USP13: variants seen among roughly 807,000 people sequenced by gnomAD.
USP13 encodes ubiquitin specific peptidase 13.
A neutral mutation model predicts 107.8 loss-of-function variants in USP13; 68 were observed. The observed-to-expected ratio is 0.63, with a 90% CI of 0.52 to 0.77. The LOEUF is 0.77. USP13 is among the 30% of genes least tolerant of loss of function. The pLI, the probability that USP13 is intolerant of heterozygous loss-of-function variation, is 0.00. For missense variants in USP13, 945 were observed against 1,093.3 expected (o/e 0.86, Z 1.91); for synonymous variants, 377 against 389.5 (o/e 0.97, Z 0.38).
rs141172966 is a variant in USP13 at position 179,766,042 on chromosome 3, C to T, written c.2413+194C>T. On this transcript the variant is annotated intron_variant, in intron 19 of 20. Transcript: ENST00000263966. ...GTTGCCAGGCTGGTGTGCTGTGGCG[C>T]GATCTCGGCTCACTGCAACCTCCGC... 1.1e-3 allele frequency among the ~76,000 whole-genome samples: 169 copies of T among 151,466 alleles called. 2 individuals carry two copies. Among genetic ancestry groups the T allele is most frequent in the African/African-American group, 3.8e-3 (155 of 41,230 alleles).
chr3:179,753,536 A>G (rs939233085), intron 14 of USP13, among the ~76,000 whole-genome samples: 2 of 152,226 alleles, frequency 1.3e-5, no homozygotes, highest in African/African-American at 4.8e-5. Context: ...AATTTGAATC[A>G]TATTTCATTG....
chr3:179,749,570 T>C (rs577533820), intron 13 of USP13, among the ~76,000 whole-genome samples: 1 of 152,278 alleles, frequency 6.6e-6, no homozygotes, highest in African/African-American at 2.4e-5. Context: ...TGAACAGATA[T>C]ATATTGAACA....
At chr3:179,724,101 A>C (rs1252853235) in intron 8 of USP13, among the ~76,000 whole-genome samples, 1 of 151,898 alleles carries the variant, frequency 6.6e-6, no homozygotes, top group South Asian at 2.1e-4. Flanking sequence ...CTGAGGTTGC[A>C]GTAAGCTGTG....
chr3:179,692,075 GTA>G (rs1712135325), intron 3 of USP13, among the ~76,000 whole-genome samples: 1 of 152,122 alleles, frequency 6.6e-6, no homozygotes, highest in South Asian at 2.1e-4. Flanking sequence ...ATGTATGAAT[GTA>G]TATCTGTGTG....
chr3:179,701,173 G>A, intron 4 of USP13, 44 bp downstream of exon 4: 1 of 1,352,922 alleles, frequency 7.4e-7, no homozygotes, highest in South Asian at 1.2e-5. Context: ...GCATGGCTCT[G>A]TGTCAGGTGT....
In USP13 at chr3:179,742,346, C is replaced by A; in HGVS notation, c.1530C>A (p.Asn510Lys). Residue 510 changes from asparagine (N) to lysine (K), a missense_variant, in exon 12 of 21, where the codon AAC becomes AAA. Physicochemically the swap from Asn to Lys is moderately conservative, Grantham distance 94. Transcript: ENST00000263966. The surrounding 1 kb of genome is among the most constrained non-coding windows in gnomAD (Gnocchi z 5.0). ...CTGTGGCCATGGAGGCGGCAACCAACAAGGGTAACAATTCCAAAGCGGGAA... is the reference window on the plus strand; with the variant it reads ...CTGTGGCCATGGAGGCGGCAACCAAAAAGGGTAACAATTCCAAAGCGGGAA... ...QLPVAMEAAT[N>K]KDELIAYELT... 2 of 1,614,178 alleles carry A rather than the reference C, an allele frequency of 1.2e-6. No individual in the cohort carries two copies. The highest frequency in any genetic ancestry group is 1.7e-6 in the Non-Finnish European group (2 of 1,180,016).
Position 179,727,467 on chromosome 3 carries a change from T to G in USP13, c.1089-2722T>G, listed in dbSNP as rs370295863. On this transcript the variant is annotated intron_variant, in intron 8 of 20. Coordinates refer to ENST00000263966, the MANE Select transcript of USP13 (RefSeq NM_003940.3). ...GAGTGGACACAGCACATGTTTCAGA[T>G]AGCACAGGGTTGGGGGTAAGGTCAC... 9.0e-4 allele frequency among the ~76,000 whole-genome samples: 97 copies of G among 108,006 alleles called. 1 individual carries two copies. Among genetic ancestry groups the G allele is most frequent in the East Asian group, 4.0e-3 (14 of 3,470 alleles). The allele number at this position is 108,006 out of a possible 152,430, so 70.9% of individuals were successfully genotyped here.
At chr3:179,762,698 T>C (rs971673355) in intron 17 of USP13, among the ~76,000 whole-genome samples, 8 of 152,224 alleles carry the variant, frequency 5.3e-5, no homozygotes, top group African/African-American at 1.4e-4. Context: ...TTATGAACAA[T>C]GCTGCTATAA....
chr3:179,750,327 T>TATATATATATATATAC (rs1714564703), intron 13 of USP13, among the ~76,000 whole-genome samples: 1 of 46,578 alleles, frequency 2.1e-5, no homozygotes, highest in African/African-American at 1.1e-4. Flanking sequence ...TATATGTGTG[T>TATATATATATATATAC]ATATATATAT....
At chr3:179,687,552 G>A (rs1011350515) in intron 2 of USP13, among the ~76,000 whole-genome samples, 17 of 150,532 alleles carry the variant, frequency 1.1e-4, no homozygotes, top group Non-Finnish European at 2.2e-4. Flanking sequence ...CCAGCTACTC[G>A]GGAGGCTGGC....
chr3:179,696,188 G>T (rs897775104), intron 3 of USP13, among the ~76,000 whole-genome samples: 2 of 152,278 alleles, frequency 1.3e-5, no homozygotes, highest in Non-Finnish European at 2.9e-5. Flanking sequence ...CATCCCATTA[G>T]TGAAGGACTG....
At chr3:179,740,171 G>A (rs546017583) in intron 10 of USP13, 76 bp from the exon 11 acceptor site, 149 of 1,587,108 alleles carry the variant, frequency 9.4e-5, no homozygotes, top group Non-Finnish European at 1.2e-4. Flanking sequence ...TTTATGGTGG[G>A]TTCTGCTCTG....
Position 179,681,929 on chromosome 3 carries a change from A to G in USP13, c.220A>G (p.Arg74Gly). The G allele has an allele frequency of 6.2e-7, 1 of 1,614,068 alleles. No individual in the cohort carries two copies. Among genetic ancestry groups the G allele is most frequent in the Non-Finnish European group, 8.5e-7 (1 of 1,179,984 alleles). ...CATGAATACATTTTTGGCCTTTGGA[A>G]GGGAACATGTTGAAAGACATTTTCG... ...VCMNTFLAFG[R>G]EHVERHFRKT... Residue 74 changes from arginine (R) to glycine (G), a missense_variant, in exon 2 of 21, where the codon AGG (arginine) becomes GGG (glycine). Transcript: ENST00000263966.
chr3:179,760,990 T>C (rs1223263697), intron 16 of USP13, 122 bp from the exon 17 acceptor site: 3 of 1,227,594 alleles, frequency 2.4e-6, no homozygotes, highest in Non-Finnish European at 2.3e-6. Context: ...GTAAAACCAT[T>C]ATCTACACCC....
rs527363482 is a variant in USP13 at position 179,747,298 on chromosome 3, C to A, written c.1709+2081C>A. ...AGTGATGGAAGCAATTTTTTAAAAT[C>A]ATTGACAGTAGGTTTAAGACTGATT... On this transcript the variant is annotated intron_variant, in intron 13 of 20. Coordinates refer to ENST00000263966, the MANE Select transcript of USP13 (RefSeq NM_003940.3). Among the ~76,000 whole-genome samples, 6 of 152,344 alleles carry A rather than the reference C, an allele frequency of 3.9e-5. No homozygotes were observed. In the East Asian group the frequency reaches 1.2e-3, roughly 29 times the overall value.
At chr3:179,711,274 G>A (rs561551040) in intron 6 of USP13, among the ~76,000 whole-genome samples, 4 of 151,924 alleles carry the variant, frequency 2.6e-5, no homozygotes, top group Non-Finnish European at 5.9e-5. Context: ...GCTGGAGTGC[G>A]GTGGCGTGAT....
rs1711545061 is a variant in USP13, at chr3:179,678,544, G to A, written c.169-3334G>A. Among the ~76,000 whole-genome samples the A allele has an allele frequency of 6.6e-6, 1 of 151,276 alleles. No individual in the cohort carries two copies. The highest frequency in any genetic ancestry group is 1.5e-5 in the Non-Finnish European group (1 of 67,922). ...CTGGATGGCACAATCATGGCTCACT[G>A]CAACCTTGACCTCCCTGGGCTAAAG... On this transcript the variant is annotated intron_variant, in intron 1 of 20. Transcript: ENST00000263966. This position sits in a 1 kb window ranked among gnomAD's most constrained non-coding sequence, Gnocchi z 4.2.
intron 8 of USP13, among the ~76,000 whole-genome samples, chr3:179,724,959 C>A (rs773664059): frequency 6.6e-6 from 1 of 152,198 alleles, no homozygotes; most frequent in African/African-American, 2.4e-5. Context: ...GTGGCTCATG[C>A]CTGTAATCCC....
chr3:179,722,657 CT>C (rs1455746240), intron 8 of USP13, among the ~76,000 whole-genome samples: 9 of 152,184 alleles, frequency 5.9e-5, no homozygotes, highest in Admixed American at 2.6e-4. Context: ...CAATTTCACT[CT>C]TTTAGTTATT....
Sources: allele counts gnomAD v4.1 joint callset (sites outside exome capture counted in the v4.1 genomes callset), GRCh38; gene constraint gnomAD v4.1.1; non-coding constraint Gnocchi (gnomAD v3.1); transcripts MANE v1.5; gene names NCBI Gene and HGNC (gene_info 2026-07-23, HGNC 2026-07-21).